CBLN4: variants seen among roughly 807,000 people sequenced by gnomAD.
CBLN4 encodes cerebellin-4.
Under a neutral mutation model 14.9 loss-of-function variants are expected in CBLN4, and 7 were observed. The ratio of observed to expected loss-of-function variants is 0.47; its 90% CI spans 0.27 to 0.88. The LOEUF is 0.88. Among genes scored for constraint, CBLN4 ranks in the 40% least tolerant of loss-of-function variants. The pLI is 0.14. For missense variants in CBLN4, 188 were observed against 256.8 expected (o/e 0.73, Z 1.83); for synonymous variants, 131 against 116.5 (o/e 1.12, Z -0.80).
At chr20:56,000,898 A>G (rs775447727) in intron 1 of CBLN4, 51 bp from the exon 2 acceptor site, 1 of 950,062 alleles carries the variant, frequency 1.1e-6, no homozygotes, top group Non-Finnish European at 1.5e-6. Flanking sequence ...TTCTTCTGTA[A>G]CTAAAATGAA....
At chr20:56,002,117 C>T (rs968402151) in intron 1 of CBLN4, among the ~76,000 whole-genome samples, 2 of 152,152 alleles carry the variant, frequency 1.3e-5, no homozygotes, top group Non-Finnish European at 2.9e-5. Context: ...AATGTAGTGA[C>T]AGTCAAGCAG....
rs1257463074 is a variant in CBLN4 at position 55,997,798 on chromosome 20, G to C, written c.*759C>G. ...ATAAGATTTCCCTCGGAGGGGAGCTGTTTTGCTGAGGCTCAGGGATTGAGC... is the reference window on the plus strand; with the variant it reads ...ATAAGATTTCCCTCGGAGGGGAGCTCTTTTGCTGAGGCTCAGGGATTGAGC... On this transcript the variant is annotated 3_prime_UTR_variant, in exon 3 of 3. Transcript: ENST00000064571. The C allele has an allele frequency of 6.6e-6, 1 of 152,562 alleles. No homozygotes were observed. The highest frequency in any genetic ancestry group is 1.5e-5 in the Non-Finnish European group (1 of 68,030). 9.5% of individuals were successfully genotyped at this position (152,562 alleles called of 1,614,324 possible).
At chr20:55,998,842 G>A in intron 2 of CBLN4, 88 bp from the exon 3 acceptor site, 2 of 1,013,620 alleles carry the variant, frequency 2.0e-6, no homozygotes, top group Non-Finnish European at 3.0e-6. Context: ...TAAGATGATA[G>A]ACCCAGTAAA....
At chr20:56,001,293 C>A (rs1419258325) in intron 1 of CBLN4, among the ~76,000 whole-genome samples, 1 of 152,232 alleles carries the variant, frequency 6.6e-6, no homozygotes, top group Non-Finnish European at 1.5e-5. Flanking sequence ...TTCCCACCTT[C>A]TACAAGCCTT....
Position 55,998,343 on chromosome 20 carries a change from C to A in CBLN4, c.*214G>T, listed in dbSNP as rs1272885437. On this transcript the variant is annotated 3_prime_UTR_variant, in exon 3 of 3. Transcript: ENST00000064571. ...TGTTACATTTAAGCATAGGTATTAT[C>A]TGCTTAGAGTCCCAATCCAAATATA... 8 of 571,130 alleles carry A rather than the reference C, an allele frequency of 1.4e-5. No individual in the cohort carries two copies. Among genetic ancestry groups the A allele is most frequent in the African/African-American group, 3.7e-5 (2 of 53,382 alleles). 35.4% of individuals were successfully genotyped at this position (571,130 alleles called of 1,614,324 possible).
rs748057543 is a variant in CBLN4 at position 56,004,121 on chromosome 20, G to A, written c.51C>T (p.Val17=). The A allele has an allele frequency of 6.3e-7, 1 of 1,597,672 alleles. No homozygotes were observed. Among genetic ancestry groups the A allele is most frequent in the East Asian group, 2.3e-5 (1 of 44,174 alleles). Residue 17 remains valine, a synonymous_variant, in exon 1 of 3, where the codon GTC becomes GTT. Coordinates refer to ENST00000064571, the MANE Select transcript of CBLN4 (RefSeq NM_080617.6). This position sits in a 1 kb window ranked among gnomAD's most constrained non-coding sequence, Gnocchi z 6.1. ...AGACGGGCAGCCCCGGCAGCGTGAG[G>A]ACCAGCAGCACGGCCGGCACCGCGG... ...ALSAVPAVLL[V]LTLPGLPVWA... is the part of the protein sequence containing the mutation.
intron 1 of CBLN4, among the ~76,000 whole-genome samples, chr20:56,002,703 C>G (rs1240461848): frequency 6.6e-6 from 1 of 152,206 alleles, no homozygotes; most frequent in South Asian, 2.1e-4. Flanking sequence ...CCAAATGGAG[C>G]TACTTAATTC....
intron 1 of CBLN4, among the ~76,000 whole-genome samples, chr20:56,002,353 G>T (rs1481530065): frequency 6.6e-6 from 1 of 152,174 alleles, no homozygotes; most frequent in African/African-American, 2.4e-5. Context: ...TCCTGATTCA[G>T]ATACAAGTAG....
intron 2 of CBLN4, among the ~76,000 whole-genome samples, chr20:55,999,426 G>C (rs757031955): frequency 1.3e-5 from 2 of 152,094 alleles, no homozygotes; most frequent in Non-Finnish European, 2.9e-5. Context: ...AGACCAGCCT[G>C]GGCAACATAG....
chr20:56,004,975 G>A lies in CBLN4; in HGVS notation c.-804C>T, dbSNP rs1052599421. 4 of 152,346 alleles carry A rather than the reference G, an allele frequency of 2.6e-5. No homozygotes were observed. The highest frequency in any genetic ancestry group is 9.6e-5 in the African/African-American group (4 of 41,476). 9.4% of individuals were successfully genotyped at this position (152,346 alleles called of 1,614,324 possible). The stretch of plus-strand genomic sequence containing the variant: ...ACTTTCTCGTCCCTCGTGCAGCCCG[G>A]AGAGCGCGAAGCGGGCACACGCGCT... On this transcript the variant is annotated 5_prime_UTR_variant, in exon 1 of 3. Transcript: ENST00000064571. This position sits in a 1 kb window ranked among gnomAD's most constrained non-coding sequence, Gnocchi z 6.1.
Position 56,005,095 on chromosome 20 carries a change from G to A in CBLN4, c.-924C>T. Reference sequence around the variant, plus strand: ...GAGAAGGCGTCTGGTGACCCCATCTGAGCAGCTCTCTCCTGACGTTTAACG... The same window carrying A: ...GAGAAGGCGTCTGGTGACCCCATCTAAGCAGCTCTCTCCTGACGTTTAACG... On this transcript the variant is annotated 5_prime_UTR_variant, in exon 1 of 3. Coordinates refer to ENST00000064571, the MANE Select transcript of CBLN4 (RefSeq NM_080617.6). 6.6e-6 allele frequency: 1 copy of A among 152,448 alleles called. No individual in the cohort carries two copies. The highest frequency in any genetic ancestry group is 1.9e-4 in the East Asian group (1 of 5,176). 9.4% of individuals were successfully genotyped at this position (152,448 alleles called of 1,614,324 possible).
In CBLN4 at chr20:55,997,739, A is replaced by G. The variant is rs1407020042; in HGVS notation, c.*818T>C. On this transcript the variant is annotated 3_prime_UTR_variant, in exon 3 of 3. Transcript: ENST00000064571. ...TTAGGTTTTTAATAAAGTGGTTATTATCAATCATTTTAATTAAAGTTGAGC... is the reference window on the plus strand; with the variant it reads ...TTAGGTTTTTAATAAAGTGGTTATTGTCAATCATTTTAATTAAAGTTGAGC... 6.6e-6 allele frequency: 1 copy of G among 152,386 alleles called. No individual in the cohort carries two copies. Among genetic ancestry groups the G allele is most frequent in the Non-Finnish European group, 1.5e-5 (1 of 67,984 alleles). 9.4% of individuals were successfully genotyped at this position (152,386 alleles called of 1,614,324 possible). A position where few individuals can be genotyped will look rare whatever the true frequency, so the allele number is the denominator to read the frequency against.
Position 55,998,748 on chromosome 20 carries a change from A to G in CBLN4, c.415T>C (p.Leu139=). 6.2e-7 allele frequency: 1 copy of G among 1,611,178 alleles called. No individual in the cohort carries two copies. Among genetic ancestry groups the G allele is most frequent in the Non-Finnish European group, 8.5e-7 (1 of 1,177,334 alleles). The change falls in exon 3 of 3, where the codon TTG becomes CTG. Residue 139 remains leucine, a synonymous_variant. Coordinates refer to ENST00000064571, the MANE Select transcript of CBLN4 (RefSeq NM_080617.6). ...VYQSQTIQVN[L]MLNGKPVISA... is the part of the protein sequence containing the mutation. ...ATTACTGGTTTTCCATTTAACATCA[A>G]GTTAACCTAGAAGAAGAAAAATAAT...
In CBLN4 at chr20:55,998,606, C is replaced by G; in HGVS notation, c.557G>C (p.Gly186Ala). 1 of 1,614,134 alleles carries G rather than the reference C, an allele frequency of 6.2e-7. No homozygotes were observed. The highest frequency in any genetic ancestry group is 8.5e-7 in the Non-Finnish European group (1 of 1,179,992). Residue 186 changes from glycine to alanine, a missense_variant, in exon 3 of 3, where the codon GGA becomes GCA. Coordinates refer to ENST00000064571, the MANE Select transcript of CBLN4 (RefSeq NM_080617.6). ...YLKLEKGNLVGGWQYSTFSGF... is the reference protein window; with the variant it reads ...YLKLEKGNLVAGWQYSTFSGF... The stretch of plus-strand genomic sequence containing the variant: ...AGAAAACGTGGAATACTGCCAGCCT[C>G]CAACCAAATTACCTTTCTCCAGTTT...
At chr20:55,999,289 T>C (rs1410175279) in intron 2 of CBLN4, among the ~76,000 whole-genome samples, 1 of 152,188 alleles carries the variant, frequency 6.6e-6, no homozygotes, top group Non-Finnish European at 1.5e-5. Flanking sequence ...GTTTATTTCT[T>C]TTTCTATTTT....
intron 1 of CBLN4, among the ~76,000 whole-genome samples, chr20:56,001,624 GC>G (rs1986374511): frequency 6.6e-6 from 1 of 152,168 alleles, no homozygotes; most frequent in Non-Finnish European, 1.5e-5. Context: ...GAAATAGGTG[GC>G]TTTCCCTGTT....
rs397719605 is a variant in CBLN4 at position 55,997,711 on chromosome 20, A to AC, written c.*845dup. On this transcript the variant is annotated 3_prime_UTR_variant, in exon 3 of 3. Transcript: ENST00000064571. The stretch of plus-strand genomic sequence containing the variant: ...GGTCATGTCTACGGAAAAAAAAAAA[A>AC]CCTTAGGTTTTTAATAAAGTGGTTA... The AC allele has an allele frequency of 2.0e-5, 3 of 152,184 alleles. No homozygotes were observed. The highest frequency in any genetic ancestry group is 7.3e-5 in the African/African-American group (3 of 41,178). 9.4% of individuals were successfully genotyped at this position (152,184 alleles called of 1,614,324 possible). A position where few individuals can be genotyped will look rare whatever the true frequency, so the allele number is the denominator to read the frequency against.
chr20:55,998,562 G>A lies in CBLN4; in HGVS notation c.601C>T (p.Leu201=), dbSNP rs1291893347. ...CATCATGGAGAAATTGAATCCTATA[G>A]GGGGAACACCAGAAAGCCAGAAAAC... is the stretch of plus-strand genomic sequence containing the variant. ...STFSGFLVFP[L] is the part of the protein sequence containing the mutation. Residue 201 remains leucine, a synonymous_variant, in exon 3 of 3, where the codon CTA becomes TTA. Transcript: ENST00000064571. 1.9e-6 allele frequency: 3 copies of A among 1,613,890 alleles called. No homozygotes were observed. The highest frequency in any genetic ancestry group is 1.1e-5 in the South Asian group (1 of 91,082).
intron 1 of CBLN4, 95 bp downstream of exon 1, chr20:56,003,786 C>G: frequency 7.6e-7 from 1 of 1,309,464 alleles, no homozygotes; most frequent in Non-Finnish European, 1.0e-6. Flanking sequence ...TTCCCCATTT[C>G]CCAATCGGAC....
Sources: gnomAD v4.1 joint callset for allele counts (sites outside exome capture counted in the v4.1 genomes callset) on GRCh38, gnomAD v4.1.1 for gene constraint, Gnocchi (gnomAD v3.1) non-coding constraint, MANE v1.5 for transcripts, NCBI Gene and HGNC (gene_info 2026-07-23, HGNC 2026-07-21) for gene names.